Variants in TMEM229B observed in about 807,000 individuals in gnomAD.
TMEM229B encodes chromosome 14 open reading frame 83.
TMEM229B carries 6 observed loss-of-function variants against 13.7 expected under a neutral mutation model. That is an observed-to-expected ratio of 0.44 (90% CI 0.24 to 0.86). The LOEUF (loss-of-function observed/expected upper bound fraction) is 0.86. TMEM229B is among the 40% of genes least tolerant of loss of function. The pLI, the probability that TMEM229B is intolerant of heterozygous loss-of-function variation, is 0.23. For synonymous variants in TMEM229B, 107 were observed against 102.1 expected (o/e 1.05, Z -0.29); for missense variants, 170 against 236.0 (o/e 0.72, Z 1.83).
chr14:67,533,735 C>T (rs932422515), exon 1 of TMEM229B: 8 of 152,066 alleles, frequency 5.3e-5, no homozygotes, highest in African/African-American at 1.9e-4. Context: ...TCCCTTTCAC[C>T]CCTTCCCGCA....
chr14:67,481,986 G>A (rs138725938), intron 2 of TMEM229B, among the ~76,000 whole-genome samples: 1 of 152,342 alleles, frequency 6.6e-6, no homozygotes, highest in East Asian at 1.9e-4. Context: ...AATGCAGGAG[G>A]ACAGAGTTTG....
intron 1 of TMEM229B, among the ~76,000 whole-genome samples, chr14:67,505,732 A>C (rs2032801273): frequency 6.7e-6 from 1 of 149,842 alleles, no homozygotes; most frequent in Admixed American, 6.6e-5. Context: ...TTTTAAACAG[A>C]TTCTTGCTCT....
At chr14:67,484,362 A>G (rs2031755731) in intron 2 of TMEM229B, among the ~76,000 whole-genome samples, 1 of 152,244 alleles carries the variant, frequency 6.6e-6, no homozygotes, top group African/African-American at 2.4e-5. Flanking sequence ...TGATGAGGGC[A>G]GGTATAAACA....
intron 1 of TMEM229B, among the ~76,000 whole-genome samples, chr14:67,526,866 G>A (rs2033374894): frequency 1.3e-5 from 2 of 152,110 alleles, no homozygotes; most frequent in Non-Finnish European, 2.9e-5. Context: ...CTTTTACAAA[G>A]AGGGGAGGGC....
chr14:67,500,754 C>G lies in TMEM229B; in HGVS notation c.-191-13582G>C, dbSNP rs1009978914. Among the ~76,000 whole-genome samples the G allele has an allele frequency of 1.5e-4, 23 of 151,586 alleles. No homozygotes were observed. In the South Asian group the frequency reaches 4.8e-3, roughly 32 times the overall value. ...GCCCGGCTAATTTTTTGTATTTTTA[C>G]TAGAGACGGGGTTTCACCGTGTTAG... On this transcript the variant is annotated intron_variant, in intron 1 of 2. Transcript: ENST00000357461.
At chr14:67,513,904 G>T (rs1211345621) in intron 1 of TMEM229B, among the ~76,000 whole-genome samples, 1 of 152,164 alleles carries the variant, frequency 6.6e-6, no homozygotes, top group African/African-American at 2.4e-5. Flanking sequence ...CAAGCACTGG[G>T]GACCTGGAAC....
upstream of TMEM229B, among the ~76,000 whole-genome samples, chr14:67,491,054 A>G (rs1044643736): frequency 1.3e-5 from 2 of 152,182 alleles, no homozygotes; most frequent in Admixed American, 1.3e-4. Flanking sequence ...CCCACTTCAG[A>G]TGCCAGTCAC....
chr14:67,479,478 G>C (rs1012609029), intron 2 of TMEM229B, among the ~76,000 whole-genome samples: 6 of 151,614 alleles, frequency 4.0e-5, no homozygotes, highest in Admixed American at 1.3e-4. Context: ...AGTACTTTGG[G>C]AGGCCGAGGT....
At chr14:67,474,237 G>C (rs2031016089) in intron 2 of TMEM229B, among the ~76,000 whole-genome samples, 1 of 149,152 alleles carries the variant, frequency 6.7e-6, no homozygotes, top group African/African-American at 2.5e-5. Context: ...GGGAGACAGA[G>C]TGAGACTCTG....
chr14:67,494,769 C>T (rs1053313639), intron 1 of TMEM229B, among the ~76,000 whole-genome samples: 2 of 152,208 alleles, frequency 1.3e-5, no homozygotes, highest in African/African-American at 2.4e-5. Flanking sequence ...AACGAAGGCT[C>T]GCCCAACATT....
intron 1 of TMEM229B, among the ~76,000 whole-genome samples, chr14:67,496,767 C>T (rs2032404037): frequency 8.3e-6 from 1 of 120,088 alleles, no homozygotes; most frequent in Non-Finnish European, 1.8e-5. Flanking sequence ...CCCTCCCTCC[C>T]TTCCTCCCTC....
chr14:67,514,577 C>T (rs2033136468), intron 1 of TMEM229B, among the ~76,000 whole-genome samples: 1 of 152,060 alleles, frequency 6.6e-6, no homozygotes, highest in Non-Finnish European at 1.5e-5. Flanking sequence ...TGGCAGCGTT[C>T]CCTTCCCTTC....
chr14:67,476,344 TGA>T (rs561358324), intron 2 of TMEM229B, among the ~76,000 whole-genome samples: 16 of 152,292 alleles, frequency 1.1e-4, no homozygotes, highest in African/African-American at 2.9e-4. Context: ...CCCAGAACTG[TGA>T]GAGGCTGAGG....
chr14:67,503,334 G>T (rs965079864), intron 1 of TMEM229B, among the ~76,000 whole-genome samples: 1 of 152,208 alleles, frequency 6.6e-6, no homozygotes, highest in East Asian at 1.9e-4. Context: ...CTGAAGCAGG[G>T]GTGGGCGTGT....
Position 67,523,384 on chromosome 14 carries a change from G to GA in TMEM229B, c.-192+10251dup, listed in dbSNP as rs1450536117. 1.8e-4 allele frequency among the ~76,000 whole-genome samples: 27 copies of GA among 151,940 alleles called. 1 individual carries two copies. Among genetic ancestry groups the GA allele is most frequent in the Middle Eastern group, 3.4e-3 (1 of 292 alleles). On this transcript the variant is annotated intron_variant, in intron 1 of 2. Coordinates refer to the TMEM229B transcript ENST00000554278. ...GTCCTCAAAACAGTACAGTGCTAGGGAAAAAAAGTCATTCAACTTGTTATT... is the reference window on the plus strand; with the variant it reads ...GTCCTCAAAACAGTACAGTGCTAGGGAAAAAAAAGTCATTCAACTTGTTATT...
At chr14:67,496,946 C>T (rs573346910) in intron 1 of TMEM229B, among the ~76,000 whole-genome samples, 62 of 152,002 alleles carry the variant, frequency 4.1e-4, no homozygotes, top group African/African-American at 1.3e-3. Context: ...TACAGGTGCC[C>T]GCCACCACAC....
intron 1 of TMEM229B, among the ~76,000 whole-genome samples, chr14:67,522,794 C>CA (rs751776228): frequency 7.2e-5 from 11 of 152,146 alleles, no homozygotes; most frequent in Non-Finnish European, 1.5e-4. Flanking sequence ...CACTGCCTTG[C>CA]AGAGGGTGGG....
intron 2 of TMEM229B, among the ~76,000 whole-genome samples, chr14:67,475,634 C>T (rs930965938): frequency 6.6e-6 from 1 of 152,224 alleles, no homozygotes; most frequent in Non-Finnish European, 1.5e-5. Flanking sequence ...TTTGTCTTTG[C>T]TCCATTAAAT....
chr14:67,501,483 G>A (rs887785899), intron 1 of TMEM229B, among the ~76,000 whole-genome samples: 1 of 152,136 alleles, frequency 6.6e-6, no homozygotes, highest in African/African-American at 2.4e-5. Context: ...TCCCACATCA[G>A]CCTCCCAAAG....
Sources: allele counts gnomAD v4.1 joint callset (sites outside exome capture counted in the v4.1 genomes callset), GRCh38; gene constraint gnomAD v4.1.1; transcripts MANE v1.5; gene names NCBI Gene and HGNC (gene_info 2026-07-23, HGNC 2026-07-21).